Variants in DLG2 observed in about 807,000 individuals in gnomAD.
DLG2 encodes disks large homolog 2.
A neutral mutation model predicts 132.5 loss-of-function variants in DLG2; 45 were observed. The ratio of observed to expected loss-of-function variants is 0.34; its 90% CI spans 0.27 to 0.44. DLG2 has a LOEUF of 0.44. Ranked by LOEUF, DLG2 falls within the 20% of genes least tolerant of loss-of-function variation. The pLI, the probability that DLG2 is intolerant of heterozygous loss-of-function variation, is 1.00. For synonymous variants in DLG2, 424 were observed against 419.6 expected (o/e 1.01, Z -0.13); for missense variants, 1,045 against 1,196.9 (o/e 0.87, Z 1.87).
intron 6 of DLG2, among the ~76,000 whole-genome samples, chr11:85,074,249 T>G (rs1173448232): frequency 6.6e-6 from 1 of 151,982 alleles, no homozygotes; most frequent in South Asian, 2.1e-4. Context: ...TAAAATAATT[T>G]TTTTAAGGTA....
chr11:83,927,009 C>T (rs558143667), intron 15 of DLG2, among the ~76,000 whole-genome samples: 12 of 152,174 alleles, frequency 7.9e-5, no homozygotes, highest in South Asian at 6.2e-4. Flanking sequence ...GGTGAAAGTA[C>T]GACATAAAGT....
chr11:83,974,200 TA>T (rs1461050561), intron 12 of DLG2, among the ~76,000 whole-genome samples: 2 of 152,100 alleles, frequency 1.3e-5, no homozygotes, highest in Non-Finnish European at 2.9e-5. Context: ...ATTATTCAGA[TA>T]ATTTCTACAT....
chr11:84,761,184 C>G (rs2067581100), intron 6 of DLG2, among the ~76,000 whole-genome samples: 1 of 152,174 alleles, frequency 6.6e-6, no homozygotes, highest in African/African-American at 2.4e-5. Flanking sequence ...ACACCTAAAC[C>G]AAGCTGGCTA....
At chr11:83,507,758 T>TTATATATA (rs59086507) in intron 21 of DLG2, among the ~76,000 whole-genome samples, 18 of 99,876 alleles carry the variant, frequency 1.8e-4, no homozygotes, top group Admixed American at 4.3e-4. Context: ...TATATTTTTA[T>TTATATATA]TATATATATA....
intron 7 of DLG2, among the ~76,000 whole-genome samples, chr11:84,485,266 T>C (rs541699792): frequency 1.3e-5 from 2 of 152,314 alleles, no homozygotes; most frequent in South Asian, 2.1e-4. Context: ...ATATAATATT[T>C]CTATTTTTGA....
chr11:84,382,988 C>T (rs2098754101), intron 7 of DLG2, among the ~76,000 whole-genome samples: 1 of 151,970 alleles, frequency 6.6e-6, no homozygotes, highest in African/African-American at 2.4e-5. Flanking sequence ...ATCTTAACCT[C>T]CTTCCATCTG....
At chr11:85,140,481 A>G (rs900480692) in intron 5 of DLG2, among the ~76,000 whole-genome samples, 1 of 151,908 alleles carries the variant, frequency 6.6e-6, no homozygotes, top group South Asian at 2.1e-4. Context: ...TTTATAGGGT[A>G]CATGTGATGT....
intron 6 of DLG2, among the ~76,000 whole-genome samples, chr11:84,866,004 G>A (rs933054130): frequency 2.6e-5 from 4 of 152,200 alleles, no homozygotes; most frequent in Admixed American, 6.5e-5. Flanking sequence ...CAAGAAATAT[G>A]CTAAGCAGTG....
intron 4 of DLG2, among the ~76,000 whole-genome samples, chr11:85,214,406 G>C (rs918127627): frequency 6.6e-6 from 1 of 151,742 alleles, no homozygotes; most frequent in Non-Finnish European, 1.5e-5. Flanking sequence ...ACTAAATAAA[G>C]AATACAGTTG....
At chr11:84,611,548 A>C (rs758175915) in intron 6 of DLG2, among the ~76,000 whole-genome samples, 27 of 152,092 alleles carry the variant, frequency 1.8e-4, no homozygotes, top group Non-Finnish European at 3.2e-4. Flanking sequence ...TTACCACTCT[A>C]ATTGTCACCC....
At chr11:84,953,227 G>C (rs1455092775) in intron 6 of DLG2, among the ~76,000 whole-genome samples, 1 of 152,054 alleles carries the variant, frequency 6.6e-6, no homozygotes, top group Non-Finnish European at 1.5e-5. Flanking sequence ...TCATCTGTTG[G>C]ATAATATCCA....
chr11:84,069,306 A>T (rs562242456), intron 10 of DLG2, among the ~76,000 whole-genome samples: 1 of 152,196 alleles, frequency 6.6e-6, no homozygotes, highest in South Asian at 2.1e-4. Flanking sequence ...TGTAGACCCA[A>T]CTGAGTATGT....
At chr11:84,690,453 G>GA (rs918243528) in intron 6 of DLG2, among the ~76,000 whole-genome samples, 47 of 144,274 alleles carry the variant, frequency 3.3e-4, no homozygotes, top group African/African-American at 5.9e-4. Flanking sequence ...ACTTAGATTG[G>GA]AAAAAAAAAA....
chr11:85,041,774 G>C (rs2061889314), intron 6 of DLG2, among the ~76,000 whole-genome samples: 1 of 151,804 alleles, frequency 6.6e-6, no homozygotes, highest in Non-Finnish European at 1.5e-5. Flanking sequence ...TTAGCGATAG[G>C]GAAGAGAAAG....
chr11:84,902,098 T>C (rs1203734202), intron 6 of DLG2, among the ~76,000 whole-genome samples: 1 of 152,146 alleles, frequency 6.6e-6, no homozygotes, highest in Non-Finnish European at 1.5e-5. Flanking sequence ...TGAAAATCTC[T>C]TGGGCTTTCT....
At chr11:83,539,998 T>G (rs973573759) in intron 20 of DLG2, among the ~76,000 whole-genome samples, 1 of 152,130 alleles carries the variant, frequency 6.6e-6, no homozygotes, top group Non-Finnish European at 1.5e-5. Flanking sequence ...TATCCAAAAT[T>G]TGAATCCCTT....
chr11:84,283,642 C>T (rs2097877405), intron 7 of DLG2, among the ~76,000 whole-genome samples: 1 of 152,078 alleles, frequency 6.6e-6, no homozygotes, highest in Non-Finnish European at 1.5e-5. Flanking sequence ...AAGGATGTAA[C>T]CTCCTAGTTT....
chr11:85,281,606 T>C (rs982136801), intron 4 of DLG2, among the ~76,000 whole-genome samples: 5 of 151,998 alleles, frequency 3.3e-5, no homozygotes, highest in Non-Finnish European at 7.4e-5. Flanking sequence ...ATTTCGCTCA[T>C]AGTAAAATCT....
intron 3 of DLG2, among the ~76,000 whole-genome samples, chr11:85,337,572 C>G (rs934491487): frequency 6.6e-6 from 1 of 152,128 alleles, no homozygotes. Context: ...TTAGGTAACA[C>G]AAAAAATTCC....
Sources: gnomAD v4.1 joint callset for allele counts (sites outside exome capture counted in the v4.1 genomes callset) on GRCh38, gnomAD v4.1.1 for gene constraint, MANE v1.5 for transcripts, NCBI Gene and HGNC (gene_info 2026-07-23, HGNC 2026-07-21) for gene names.